Variants in CLU observed in about 807,000 individuals in gnomAD.
The protein encoded by CLU is clusterin.
CLU carries 25 observed loss-of-function variants against 46.4 expected under a neutral mutation model. The observed-to-expected ratio is 0.54, with a 90% CI of 0.39 to 0.75. CLU has a LOEUF of 0.75. CLU is among the 30% of genes least tolerant of loss of function. The pLI is 0.00. For missense variants in CLU, 504 were observed against 592.1 expected, an observed-to-expected ratio of 0.85 and a Z score of 1.54; for synonymous variants, 235 against 235.1, an observed-to-expected ratio of 1.00 and a Z score of 0.00.
At chr8:27,602,340 C>T (rs773143672) in intron 6 of CLU, among the ~76,000 whole-genome samples, 6 of 152,152 alleles carry the variant, frequency 3.9e-5, no homozygotes, top group Non-Finnish European at 7.3e-5. Context: ...GCACTGCTCA[C>T]ACCTGTAATC....
chr8:27,605,348 G>A lies in CLU; in HGVS notation c.418-13C>T. On this transcript the variant is annotated splice_polypyrimidine_tract_variant and intron_variant, in intron 4 of 8. Coordinates refer to ENST00000316403, the MANE Select transcript of CLU (RefSeq NM_001831.4). ...GGAACTCCTCAAGCTGGGACAGCCA[G>A]CATGGGCACAGTTAGGAGAAGCTCA... 1 of 1,613,946 alleles carries A rather than the reference G, an allele frequency of 6.2e-7. No homozygotes were observed. Among genetic ancestry groups the A allele is most frequent in the East Asian group, 2.2e-5 (1 of 44,886 alleles).
chr8:27,609,830 C>T (rs1800889689), intron 2 of CLU, among the ~76,000 whole-genome samples: 1 of 152,126 alleles, frequency 6.6e-6, no homozygotes, highest in Non-Finnish European at 1.5e-5. Flanking sequence ...TGGAAATTTG[C>T]TAAGAAAGTA....
chr8:27,610,967 G>C (rs1308652908), intron 1 of CLU: 1 of 365,556 alleles, frequency 2.7e-6, no homozygotes, highest in Non-Finnish European at 5.3e-6. Context: ...TATCGATCAT[G>C]TCAGACACTG....
At position 27,599,722 on chromosome 8, in the gene CLU, TGCTCCCGATCACAGCTCGG is replaced by T. The variant is rs1800681757; in HGVS notation, c.1164+39_1164+57del. Reference sequence around the variant, plus strand: ...GCTCAGTCAAAAGCACACATGCCCCTGCTCCCGATCACAGCTCGGGCTCCCGAGCCACAGCATGTGGCCG... The same window carrying T: ...GCTCAGTCAAAAGCACACATGCCCCTGCTCCCGAGCCACAGCATGTGGCCG... On this transcript the variant is annotated intron_variant, in intron 7 of 8. Coordinates refer to ENST00000316403, the MANE Select transcript of CLU (RefSeq NM_001831.4). The surrounding 1 kb of genome is among the most constrained non-coding windows in gnomAD (Gnocchi z 4.0). The T allele has an allele frequency of 2.3e-6, 3 of 1,304,262 alleles. No individual in the cohort carries two copies. The highest frequency in any genetic ancestry group is 1.9e-5 in the Admixed American group (1 of 51,646). The allele number at this position is 1,304,262 out of a possible 1,614,324, so 80.8% of individuals were successfully genotyped here. A position where few individuals can be genotyped will look rare whatever the true frequency, so the allele number is the denominator to read the frequency against.
At position 27,599,971 on chromosome 8, in the gene CLU, GC is replaced by G. The variant is rs1800690476; in HGVS notation, c.972del (p.Arg325GlyfsTer13). ...STNNPSQAKL[R>X]RELDESLQVA... ...ACCTGGAGGGATTCGTCGAGCTCCC[GC>G]CGCAGCTTAGCCTGGGAGGGGTTGT... is the stretch of plus-strand genomic sequence containing the variant. On this transcript the variant is annotated frameshift_variant, in exon 7 of 9. Coordinates refer to ENST00000316403, the MANE Select transcript of CLU (RefSeq NM_001831.4). LOFTEE classifies it high-confidence loss of function. This position sits in a 1 kb window ranked among gnomAD's most constrained non-coding sequence, Gnocchi z 4.0. The G allele has an allele frequency of 6.2e-7, 1 of 1,614,152 alleles. No individual in the cohort carries two copies. The highest frequency in any genetic ancestry group is 8.5e-7 in the Non-Finnish European group (1 of 1,180,006).
intron 1 of CLU, chr8:27,611,063 T>C (rs1301255829): frequency 5.0e-6 from 2 of 397,514 alleles, no homozygotes; most frequent in Non-Finnish European, 1.0e-5. Flanking sequence ...CCACGTCCTC[T>C]GCAATGTGCA....
chr8:27,612,488 G>T (rs1800946395), intron 1 of CLU, among the ~76,000 whole-genome samples: 1 of 152,194 alleles, frequency 6.6e-6, no homozygotes, highest in Non-Finnish European at 1.5e-5. Context: ...AACATGTCTG[G>T]AGAGGGGCAG....
Position 27,599,057 on chromosome 8 carries a change from T to C in CLU, c.1165-422A>G, listed in dbSNP as rs948725118. ...TTTATTTTATTATTTTATATATATA[T>C]ATTTTTTAAGAGACAGAGTCTCACT... On this transcript the variant is annotated intron_variant, in intron 7 of 8. Coordinates refer to ENST00000316403, the MANE Select transcript of CLU (RefSeq NM_001831.4). The surrounding 1 kb of genome is among the most constrained non-coding windows in gnomAD (Gnocchi z 4.0). The C allele has an allele frequency of 6.6e-6, 1 of 152,572 alleles. No homozygotes were observed. Among genetic ancestry groups the C allele is most frequent in the African/African-American group, 2.4e-5 (1 of 41,402 alleles). The allele number at this position is 152,572 out of a possible 1,614,324, so 9.5% of individuals were successfully genotyped here.
At chr8:27,608,158 C>CTATGGAGCTG in intron 3 of CLU, among the ~76,000 whole-genome samples, 1 of 152,138 alleles carries the variant, frequency 6.6e-6, no homozygotes, top group East Asian at 1.9e-4. Flanking sequence ...GAAGTGGCTC[C>CTATGGAGCTG]TATGGAGCTG....
chr8:27,598,435 C>T, intron 8 of CLU, 25 bp downstream of exon 8: 1 of 1,613,646 alleles, frequency 6.2e-7, no homozygotes, highest in South Asian at 1.1e-5. Flanking sequence ...CCCTGCAGGC[C>T]CGCAGGAAAG....
At chr8:27,606,741 A>C (rs1342757704) in intron 3 of CLU, among the ~76,000 whole-genome samples, 1 of 152,186 alleles carries the variant, frequency 6.6e-6, no homozygotes. Flanking sequence ...CTCATCCTTC[A>C]AGATCCAACT....
rs1429499287 is a variant in CLU at position 27,605,004 on chromosome 8, A to G, written c.749T>C (p.Met250Thr). 5 of 1,614,018 alleles carry G rather than the reference A, an allele frequency of 3.1e-6. No individual in the cohort carries two copies. The highest frequency in any genetic ancestry group is 4.2e-6 in the Non-Finnish European group (5 of 1,180,006). ...CATGGCCTGCTGAGCCTCGTGTATC[A>G]TCTCAAGGAAGGGCTGGAACATGGC... is the stretch of plus-strand genomic sequence containing the variant. Reference protein sequence around the residue: ...FHAMFQPFLEMIHEAQQAMDI... With the variant: ...FHAMFQPFLETIHEAQQAMDI... The change falls in exon 5 of 9, where the codon ATG becomes ACG. Residue 250 changes from methionine (M) to threonine (T), a missense_variant. Met to Thr is a moderately conservative substitution (Grantham distance 81). This residue lies in a region of CLU where 428 missense variants were observed against 484.0 expected (regional missense o/e 0.88). Transcript: ENST00000316403.
At chr8:27,609,491 T>C (rs1800883436) in intron 2 of CLU, among the ~76,000 whole-genome samples, 1 of 151,918 alleles carries the variant, frequency 6.6e-6, no homozygotes, top group South Asian at 2.1e-4. Flanking sequence ...TTTAAACAGA[T>C]ATGTGTATTT....
At chr8:27,605,895 C>T (rs1459061098) in intron 4 of CLU, among the ~76,000 whole-genome samples, 2 of 152,002 alleles carry the variant, frequency 1.3e-5, no homozygotes, top group Non-Finnish European at 2.9e-5. Flanking sequence ...CAAAAATTAG[C>T]TGGGTGTGGT....
intron 2 of CLU, among the ~76,000 whole-genome samples, chr8:27,609,395 G>GAA (rs11449170): frequency 5.3e-4 from 79 of 148,832 alleles, no homozygotes; most frequent in South Asian, 1.1e-3. Flanking sequence ...ACTTGGCAAG[G>GAA]AAAAAAAAAA....
chr8:27,598,548 T>A lies in CLU; in HGVS notation c.1252A>T (p.Thr418Ser). ...KLFDSDPITV[T>S]VPVEVSRKNP... ...TTCCTGGAGACTTCTACAGGGACCG[T>A]CACAGTGATGGGATCAGAGTCAAAG... is the stretch of plus-strand genomic sequence containing the variant. Residue 418 changes from threonine to serine, a missense_variant, in exon 8 of 9, where the codon ACG becomes TCG. Around this residue, in one of 3 missense-constraint regions of CLU, gnomAD observed 428 missense variants for 484.0 expected, o/e 0.88. Coordinates refer to ENST00000316403, the MANE Select transcript of CLU (RefSeq NM_001831.4). 6.2e-7 allele frequency: 1 copy of A among 1,614,106 alleles called. No homozygotes were observed. The highest frequency in any genetic ancestry group is 8.5e-7 in the Non-Finnish European group (1 of 1,180,000).
At chr8:27,600,316 C>G (rs552179967) in intron 6 of CLU, among the ~76,000 whole-genome samples, 1 of 148,518 alleles carries the variant, frequency 6.7e-6, no homozygotes, top group East Asian at 2.0e-4. Flanking sequence ...CTCACTGCAG[C>G]CTTGACTTCC....
In CLU at chr8:27,597,584, A is replaced by G; in HGVS notation, c.*657T>C. ...ACTTCTGGGCACCAAATGTTTTCATAACGAAAACATCAATTATGCATTATA... is the reference window on the plus strand; with the variant it reads ...ACTTCTGGGCACCAAATGTTTTCATGACGAAAACATCAATTATGCATTATA... On this transcript the variant is annotated 3_prime_UTR_variant, in exon 9 of 9. Coordinates refer to ENST00000316403, the MANE Select transcript of CLU (RefSeq NM_001831.4). The G allele has an allele frequency of 2.2e-6, 1 of 454,164 alleles. No individual in the cohort carries two copies. Among genetic ancestry groups the G allele is most frequent in the Non-Finnish European group, 4.4e-6 (1 of 226,798 alleles). 28.1% of individuals were successfully genotyped at this position (454,164 alleles called of 1,614,324 possible). A position where few individuals can be genotyped will look rare whatever the true frequency, so the allele number is the denominator to read the frequency against.
intron 8 of CLU, 22 bp downstream of exon 8, chr8:27,598,438 C>T (rs376399511): frequency 3.1e-6 from 5 of 1,613,752 alleles, no homozygotes; most frequent in Non-Finnish European, 4.2e-6. Flanking sequence ...TGCAGGCCCG[C>T]AGGAAAGGCC....
Sources: allele counts gnomAD v4.1 joint callset (sites outside exome capture counted in the v4.1 genomes callset), GRCh38; gene constraint gnomAD v4.1.1; regional missense constraint gnomAD v4.1.1; non-coding constraint Gnocchi (gnomAD v3.1); transcripts MANE v1.5; gene names NCBI Gene and HGNC (gene_info 2026-07-23, HGNC 2026-07-21).